RAD51B: variants seen among roughly 807,000 people sequenced by gnomAD.
RAD51B encodes the protein DNA repair protein RAD51 homolog 2.
In RAD51B, 38 loss-of-function variants were observed where a neutral mutation model predicts 42.2. The ratio of observed to expected loss-of-function variants is 0.90; its 90% confidence interval spans 0.70 to 1.18. RAD51B has a LOEUF of 1.18. Ranked by LOEUF, RAD51B falls within the 50% of genes most tolerant of loss-of-function variation. The pLI is 0.00. For missense variants in RAD51B, 373 were observed against 400.7 expected, an observed-to-expected ratio of 0.93 and a Z score of 0.59; for synonymous variants, 154 against 145.2, an observed-to-expected ratio of 1.06 and a Z score of -0.43.
chr14:68,393,784 T>A (rs959671718), intron 8 of RAD51B, among the ~76,000 whole-genome samples: 5 of 152,202 alleles, frequency 3.3e-5, no homozygotes, highest in African/African-American at 1.2e-4. Context: ...GGGCCCCCTT[T>A]TAACTTCCTT....
intron 7 of RAD51B, among the ~76,000 whole-genome samples, chr14:68,062,052 A>G (rs866508527): frequency 8.6e-5 from 13 of 152,032 alleles, no homozygotes; most frequent in African/African-American, 3.1e-4. Flanking sequence ...TATGGCCTTT[A>G]TTTTGCTTAG....
At chr14:68,004,151 A>T (rs2075536729) in intron 7 of RAD51B, among the ~76,000 whole-genome samples, 1 of 152,030 alleles carries the variant, frequency 6.6e-6, no homozygotes, top group Admixed American at 6.5e-5. Context: ...TGACACGGTG[A>T]AACCCTGTCT....
chr14:68,010,419 C>T (rs2075665035), intron 7 of RAD51B, among the ~76,000 whole-genome samples: 2 of 151,828 alleles, frequency 1.3e-5, no homozygotes, highest in Admixed American at 6.6e-5. Flanking sequence ...AACCTTGGCT[C>T]ATCAGAGAGA....
At chr14:68,170,972 A>G (rs1259358459) in intron 7 of RAD51B, among the ~76,000 whole-genome samples, 3 of 152,220 alleles carry the variant, frequency 2.0e-5, no homozygotes, top group Non-Finnish European at 4.4e-5. Flanking sequence ...GCCTTTGGGT[A>G]GAAAAAAGTA....
chr14:68,174,618 G>A (rs1462902198), intron 7 of RAD51B, among the ~76,000 whole-genome samples: 2 of 152,158 alleles, frequency 1.3e-5, no homozygotes, highest in Non-Finnish European at 2.9e-5. Flanking sequence ...ATGTGGATAA[G>A]ACCATCCAAT....
In RAD51B at chr14:68,141,098, G is replaced by A. The variant is rs80041706; in HGVS notation, c.757-150786G>A. Reference sequence around the variant, plus strand: ...AGGGTCACCCTTGTTACTGTGCCAAGAGTCACCATCTAGCTGTCATTTATT... The same window carrying A: ...AGGGTCACCCTTGTTACTGTGCCAAAAGTCACCATCTAGCTGTCATTTATT... On this transcript the variant is annotated intron_variant, in intron 7 of 10. Transcript: ENST00000471583. Among the ~76,000 whole-genome samples the A allele has an allele frequency of 6.8e-3, 1,038 of 152,308 alleles. 24 individuals carry two copies. Among genetic ancestry groups the A allele is most frequent in the Admixed American group, 0.048 (735 of 15,298 alleles).
At chr14:68,527,085 T>G (rs1424413688) in intron 10 of RAD51B, among the ~76,000 whole-genome samples, 3 of 152,098 alleles carry the variant, frequency 2.0e-5, no homozygotes, top group Non-Finnish European at 4.4e-5. Context: ...GAAAGTTACA[T>G]CCGCACAAAG....
intron 7 of RAD51B, among the ~76,000 whole-genome samples, chr14:68,059,457 T>C (rs940854023): frequency 1.3e-5 from 2 of 152,228 alleles, no homozygotes; most frequent in Admixed American, 1.3e-4. Context: ...CTTCCTTGCA[T>C]GCACACATAG....
intron 9 of RAD51B, among the ~76,000 whole-genome samples, chr14:68,423,099 AC>A (rs1371446285): frequency 1.3e-5 from 2 of 152,096 alleles, no homozygotes; most frequent in Non-Finnish European, 2.9e-5. Flanking sequence ...TTTTGAGAAC[AC>A]CTTTGGAGAG....
chr14:68,194,406 C>G (rs1231925124), intron 7 of RAD51B, among the ~76,000 whole-genome samples: 1 of 152,172 alleles, frequency 6.6e-6, no homozygotes, highest in South Asian at 2.1e-4. Context: ...GACATGGTGT[C>G]TGCCCTTGAG....
intron 10 of RAD51B, among the ~76,000 whole-genome samples, chr14:68,623,509 G>T (rs1248866819): frequency 6.6e-6 from 1 of 152,228 alleles, no homozygotes; most frequent in Non-Finnish European, 1.5e-5. Context: ...GCAGATGGGG[G>T]CTGAAATTCA....
chr14:68,617,261 C>A (rs935939387), intron 10 of RAD51B, among the ~76,000 whole-genome samples: 3 of 152,142 alleles, frequency 2.0e-5, no homozygotes, highest in African/African-American at 4.8e-5. Context: ...CCTTTAGAGG[C>A]TTGTTTTTAG....
chr14:68,096,240 C>T (rs1029695439), intron 7 of RAD51B, among the ~76,000 whole-genome samples: 3 of 152,144 alleles, frequency 2.0e-5, no homozygotes, highest in East Asian at 1.9e-4. Flanking sequence ...AATATTGACA[C>T]CTTTAAGCTG....
chr14:68,652,181 G>A (rs147836395), intron 11 of RAD51B, among the ~76,000 whole-genome samples: 1 of 152,130 alleles, frequency 6.6e-6, no homozygotes, highest in East Asian at 1.9e-4. Context: ...TTCCCCCCTT[G>A]CACAAATTAT....
intron 7 of RAD51B, among the ~76,000 whole-genome samples, chr14:68,021,362 G>C (rs1437953519): frequency 1.3e-5 from 2 of 152,126 alleles, no homozygotes; most frequent in East Asian, 3.8e-4. Flanking sequence ...TCTCAGGAAG[G>C]TTTTTCCTGA....
chr14:67,911,103 C>A (rs1223563515), intron 7 of RAD51B, among the ~76,000 whole-genome samples: 1 of 152,150 alleles, frequency 6.6e-6, no homozygotes, highest in African/African-American at 2.4e-5. Flanking sequence ...CAGATGTGAG[C>A]CACCGTGCCC....
chr14:67,950,849 T>C (rs539014273), intron 7 of RAD51B, among the ~76,000 whole-genome samples: 12 of 152,108 alleles, frequency 7.9e-5, no homozygotes, highest in Non-Finnish European at 1.2e-4. Context: ...AAATGTAGAG[T>C]TATTAAATGG....
chr14:68,090,539 A>G (rs1289619289), intron 7 of RAD51B, among the ~76,000 whole-genome samples: 1 of 152,116 alleles, frequency 6.6e-6, no homozygotes, highest in Non-Finnish European at 1.5e-5. Context: ...TCTATAGTAA[A>G]ATAATGTACA....
chr14:67,890,511 G>A (rs1324540723), intron 7 of RAD51B, among the ~76,000 whole-genome samples: 1 of 151,630 alleles, frequency 6.6e-6, no homozygotes, highest in Admixed American at 6.6e-5. Flanking sequence ...TGCACAATGT[G>A]CAGGTTAGTT....
Sources: gnomAD v4.1 joint callset for allele counts (sites outside exome capture counted in the v4.1 genomes callset) on GRCh38, gnomAD v4.1.1 for gene constraint, MANE v1.5 for transcripts, NCBI Gene and HGNC (gene_info 2026-07-23, HGNC 2026-07-21) for gene names.